The following FRY variants were observed in gnomAD, a reference collection of about 807,000 sequenced individuals.
FRY encodes protein furry homolog.
FRY carries 128 observed loss-of-function variants against 348.4 expected under a neutral mutation model. The observed-to-expected ratio is 0.37, with a 90% CI of 0.32 to 0.43. The LOEUF (loss-of-function observed/expected upper bound fraction) is 0.43. Ranked by LOEUF, FRY falls within the 20% of genes least tolerant of loss-of-function variation. The pLI, the probability that FRY is intolerant of heterozygous loss-of-function variation, is 1.00. For synonymous variants in FRY, 1,370 were observed against 1,374.7 expected, an observed-to-expected ratio of 1.00 and a Z score of 0.08; for missense variants, 2,736 against 3,695.2, an observed-to-expected ratio of 0.74 and a Z score of 6.73.
intron 2 of FRY, among the ~76,000 whole-genome samples, chr13:32,095,348 T>C (rs1876622403): frequency 8.3e-6 from 1 of 120,488 alleles, no homozygotes; most frequent in African/African-American, 3.0e-5. Context: ...TTTTTTTTTT[T>C]TTTTTTTTTT....
rs543149423 is a variant in FRY, at chr13:32,086,345, G to A, written c.270+7312G>A. 3.3e-5 allele frequency among the ~76,000 whole-genome samples: 5 copies of A among 152,310 alleles called. No homozygotes were observed. The East Asian group carries it at 9.6e-4, about 29-fold the overall frequency. On this transcript the variant is annotated intron_variant, in intron 2 of 60. Coordinates refer to ENST00000542859, the MANE Select transcript of FRY (RefSeq NM_023037.3). ...GTGCTTCTGGCAAAGTCACCTACGT[G>A]TGATCTGTCATTGTTTTCTCGTCTA... is the stretch of plus-strand genomic sequence containing the variant.
At chr13:32,058,120 A>G (rs1343353564) in intron 1 of FRY, among the ~76,000 whole-genome samples, 1 of 150,916 alleles carries the variant, frequency 6.6e-6, no homozygotes, top group East Asian at 2.0e-4. Context: ...TGAAACTATC[A>G]ATTAAGTCAA....
chr13:32,038,262 A>G (rs1203742497), intron 1 of FRY, among the ~76,000 whole-genome samples: 3 of 152,220 alleles, frequency 2.0e-5, no homozygotes, highest in Admixed American at 6.5e-5. Context: ...ATTTACCTTC[A>G]TGTAGAACTT....
rs918781634 is a variant in FRY, at chr13:32,173,077, T to C, written c.2152-290T>C. Reference sequence around the variant, plus strand: ...ACAGTGTAATACCAAGTGGTATACATGAAAGGAGTTGTGTTTTTATCAACA... The same window carrying C: ...ACAGTGTAATACCAAGTGGTATACACGAAAGGAGTTGTGTTTTTATCAACA... On this transcript the variant is annotated intron_variant, in intron 18 of 60. Transcript: ENST00000542859. 2.0e-5 allele frequency among the ~76,000 whole-genome samples: 3 copies of C among 152,228 alleles called. No homozygotes were observed. The East Asian group carries it at 5.8e-4, about 29-fold the overall frequency.
chr13:32,263,307 A>G (rs181648536), intron 53 of FRY, among the ~76,000 whole-genome samples: 96 of 152,342 alleles, frequency 6.3e-4, no homozygotes, highest in African/African-American at 2.2e-3. Flanking sequence ...GACATTTCTA[A>G]TGGAAAAATA....
chr13:32,248,683 A>G (rs1041504027), intron 48 of FRY, among the ~76,000 whole-genome samples: 2 of 152,212 alleles, frequency 1.3e-5, no homozygotes, highest in Non-Finnish European at 2.9e-5. Flanking sequence ...TACCATTGTG[A>G]CACCTGCATC....
At chr13:32,090,654 A>G (rs1876236079) in intron 2 of FRY, among the ~76,000 whole-genome samples, 1 of 152,174 alleles carries the variant, frequency 6.6e-6, no homozygotes, top group Admixed American at 6.5e-5. Flanking sequence ...ATAGAAAGTT[A>G]CCCAGAAACA....
chr13:32,231,616 C>T (rs1885919185), intron 41 of FRY, among the ~76,000 whole-genome samples: 1 of 152,178 alleles, frequency 6.6e-6, no homozygotes, highest in South Asian at 2.1e-4. Context: ...ATCTCATTGA[C>T]TCTCATCAGT....
chr13:32,270,724 T>C (rs1208764747), intron 55 of FRY, among the ~76,000 whole-genome samples: 1 of 152,236 alleles, frequency 6.6e-6, no homozygotes, highest in African/African-American at 2.4e-5. Context: ...TAAAGCCTTC[T>C]GTTACTTCTT....
At chr13:32,208,494 C>T (rs1018482546) in intron 31 of FRY, among the ~76,000 whole-genome samples, 2 of 152,214 alleles carry the variant, frequency 1.3e-5, no homozygotes, top group Non-Finnish European at 2.9e-5. Context: ...GAGTCACATG[C>T]CACTAGTATG....
intron 17 of FRY, among the ~76,000 whole-genome samples, chr13:32,165,309 ATG>A (rs1157124911): frequency 2.0e-5 from 3 of 152,232 alleles, no homozygotes; most frequent in Non-Finnish European, 4.4e-5. Flanking sequence ...TTTTCCACAT[ATG>A]CCTGTGTTGT....
At chr13:32,186,166 A>G (rs900039756) in intron 26 of FRY, 94 bp from the exon 27 acceptor site, 1 of 952,892 alleles carries the variant, frequency 1.0e-6, no homozygotes, top group Non-Finnish European at 1.7e-6. Context: ...TTAAAAAATG[A>G]AGTGGTTCCT....
chr13:32,264,508 T>A (rs957256393), intron 53 of FRY, among the ~76,000 whole-genome samples: 2 of 152,194 alleles, frequency 1.3e-5, no homozygotes, highest in East Asian at 3.8e-4. Flanking sequence ...TTTAAGAAAA[T>A]GACTCACTGT....
chr13:32,146,655 T>C (rs1246296450), intron 11 of FRY, among the ~76,000 whole-genome samples: 1 of 152,190 alleles, frequency 6.6e-6, no homozygotes, highest in Non-Finnish European at 1.5e-5. Context: ...AATCCTTTCC[T>C]GACCCCATTC....
intron 38 of FRY, among the ~76,000 whole-genome samples, chr13:32,225,454 G>A (rs927450331): frequency 4.6e-5 from 7 of 152,182 alleles, no homozygotes; most frequent in African/African-American, 1.7e-4. Flanking sequence ...CAGAAATTCA[G>A]TAAGAAAGAG....
chr13:32,128,813 C>T (rs1014242755), intron 7 of FRY, among the ~76,000 whole-genome samples: 1 of 152,232 alleles, frequency 6.6e-6, no homozygotes, highest in Non-Finnish European at 1.5e-5. Context: ...AATTTTTTCA[C>T]ATCAGAAACA....
chr13:32,087,324 C>T (rs1444181116), intron 2 of FRY, among the ~76,000 whole-genome samples: 1 of 152,202 alleles, frequency 6.6e-6, no homozygotes, highest in Admixed American at 6.5e-5. Flanking sequence ...CAGGCAGTAA[C>T]GTTGTTGACA....
chr13:32,225,410 G>A (rs1476362214), intron 38 of FRY, among the ~76,000 whole-genome samples: 4 of 152,168 alleles, frequency 2.6e-5, no homozygotes, highest in Non-Finnish European at 5.9e-5. Context: ...GCTTTGTAGA[G>A]CAAAAATGGG....
intron 37 of FRY, among the ~76,000 whole-genome samples, chr13:32,224,697 T>C (rs569425332): frequency 1.3e-5 from 2 of 152,348 alleles, no homozygotes; most frequent in African/African-American, 4.8e-5. Flanking sequence ...CTTCATCCCT[T>C]AGCTCTTATT....
Sources: allele counts gnomAD v4.1 joint callset (sites outside exome capture counted in the v4.1 genomes callset), GRCh38; gene constraint gnomAD v4.1.1; transcripts MANE v1.5; gene names NCBI Gene and HGNC (gene_info 2026-07-23, HGNC 2026-07-21).